TAF1A: variants seen among roughly 807,000 people sequenced by gnomAD.
The protein encoded by TAF1A is TATA box-binding protein-associated factor RNA polymerase I subunit A.
Under a neutral mutation model 61.6 loss-of-function variants are expected in TAF1A, and 42 were observed. That is an observed-to-expected ratio of 0.68 (90% CI 0.53 to 0.88). The LOEUF (loss-of-function observed/expected upper bound fraction) is 0.88, where lower values mean the gene tolerates loss of function less well. Among genes scored for constraint, TAF1A ranks in the 40% least tolerant of loss-of-function variants. TAF1A has a pLI of 0.00. For missense variants in TAF1A, 424 were observed against 518.7 expected (o/e 0.82, Z 1.77); for synonymous variants, 179 against 177.7 (o/e 1.01, Z -0.06).
At chr1:222,583,654 C>A (rs926342693) in intron 3 of TAF1A, among the ~76,000 whole-genome samples, 1 of 151,742 alleles carries the variant, frequency 6.6e-6, no homozygotes, top group Non-Finnish European at 1.5e-5. Flanking sequence ...CCTGGCCAAC[C>A]TGGTGAAACC....
downstream of TAF1A, among the ~76,000 whole-genome samples, chr1:222,557,537 G>A (rs538084601): frequency 5.3e-5 from 8 of 152,176 alleles, no homozygotes; most frequent in East Asian, 3.9e-4. Flanking sequence ...TGCAGCCTCC[G>A]CTTCCCAGTT....
chr1:222,563,687 G>A (rs1398522482), intron 8 of TAF1A, among the ~76,000 whole-genome samples: 3 of 152,192 alleles, frequency 2.0e-5, no homozygotes, highest in African/African-American at 7.2e-5. Context: ...CTATGAAGGA[G>A]CATGCTCTCT....
chr1:222,573,565 C>T (rs976406118), intron 5 of TAF1A, among the ~76,000 whole-genome samples: 2 of 152,172 alleles, frequency 1.3e-5, no homozygotes, highest in Admixed American at 6.5e-5. Context: ...ATTTCACACC[C>T]ACCAGGATGA....
chr1:222,584,966 G>A (rs1468211454), intron 2 of TAF1A, among the ~76,000 whole-genome samples: 1 of 152,060 alleles, frequency 6.6e-6, no homozygotes, highest in East Asian at 1.9e-4. Flanking sequence ...AGACCAACAG[G>A]TACTTTACAA....
chr1:222,571,116 A>C (rs1660331730), intron 5 of TAF1A, among the ~76,000 whole-genome samples: 1 of 152,182 alleles, frequency 6.6e-6, no homozygotes, highest in Non-Finnish European at 1.5e-5. Context: ...CCAAATCAAA[A>C]GAATACAGGA....
intron 10 of TAF1A, among the ~76,000 whole-genome samples, chr1:222,559,497 T>G (rs971515582): frequency 6.6e-6 from 1 of 152,232 alleles, no homozygotes; most frequent in Non-Finnish European, 1.5e-5. Flanking sequence ...AAACTGGATA[T>G]TGAGGTTTTT....
At chr1:222,569,206 T>C (rs1206275500) in intron 7 of TAF1A, 4 of 1,157,524 alleles carry the variant, frequency 3.5e-6, no homozygotes, top group Non-Finnish European at 4.4e-6. Flanking sequence ...AATAAGTGTG[T>C]TTACTCTCTG....
intron 10 of TAF1A, among the ~76,000 whole-genome samples, chr1:222,560,563 AT>A (rs1659872445): frequency 6.6e-6 from 1 of 152,082 alleles, no homozygotes; most frequent in South Asian, 2.1e-4. Context: ...GACAATCCAA[AT>A]CACCTTTCTG....
intron 7 of TAF1A, among the ~76,000 whole-genome samples, chr1:222,567,770 A>G (rs1344639709): frequency 6.6e-6 from 1 of 152,210 alleles, no homozygotes; most frequent in Non-Finnish European, 1.5e-5. Flanking sequence ...GCCAAAAGCA[A>G]TTTTGAAAAA....
At chr1:222,570,146 G>A (rs940227157) in intron 6 of TAF1A, among the ~76,000 whole-genome samples, 3 of 152,116 alleles carry the variant, frequency 2.0e-5, no homozygotes, top group African/African-American at 7.2e-5. Context: ...ATGACTCTGG[G>A]ATGACAGGAC....
chr1:222,570,741 A>G (rs578162692), intron 5 of TAF1A, 76 bp from the exon 6 acceptor site: 2 of 1,409,080 alleles, frequency 1.4e-6, no homozygotes, highest in Non-Finnish European at 1.9e-6. Context: ...TTAAAAAACT[A>G]TCTGCGAGAA....
At chr1:222,582,296 A>G (rs1660817852) in intron 3 of TAF1A, among the ~76,000 whole-genome samples, 1 of 152,238 alleles carries the variant, frequency 6.6e-6, no homozygotes, top group Non-Finnish European at 1.5e-5. Flanking sequence ...GAAAGCTATT[A>G]CAGTGTTTTC....
At position 222,563,238 on chromosome 1, in the gene TAF1A, G is replaced by A. The variant is rs752748189; in HGVS notation, c.1020C>T (p.Ala340=). The part of the protein sequence containing the change: ...LEVLFGVLDF[A]GCTKNITAWK... ...AAGCAGTTATATTCTTAGTGCATCC[G>A]GCAAAATCTAAGACTCCAAATAATA... The change falls in exon 9 of 11, where the codon GCC becomes GCT. Residue 340 remains alanine, a synonymous_variant. Transcript: ENST00000352967. 1.2e-5 allele frequency: 20 copies of A among 1,612,496 alleles called. No individual in the cohort carries two copies. Among genetic ancestry groups the A allele is most frequent in the Admixed American group, 3.3e-5 (2 of 59,722 alleles).
At chr1:222,560,397 C>A (rs576445946) in intron 10 of TAF1A, among the ~76,000 whole-genome samples, 8 of 152,232 alleles carry the variant, frequency 5.3e-5, no homozygotes, top group Non-Finnish European at 7.4e-5. Context: ...TGTTACAATG[C>A]CCACTTCATA....
chr1:222,564,193 T>C, intron 7 of TAF1A, 68 bp from the exon 8 acceptor site: 1 of 1,062,852 alleles, frequency 9.4e-7, no homozygotes, highest in Non-Finnish European at 1.4e-6. Context: ...TCAGCTTACT[T>C]TCAAAATAAA....
rs781719673 is a variant in TAF1A, at chr1:222,561,354, A to G, written c.1240+10T>C. On this transcript the variant is annotated intron_variant, in intron 10 of 10. Transcript: ENST00000352967. ...GCTGTGTCTAGATAAAACGAAAATA[A>G]AAACTGTACCTTTTCCTAACAGTAA... 1.3e-6 allele frequency: 2 copies of G among 1,591,406 alleles called. No homozygotes were observed. The highest frequency in any genetic ancestry group is 2.3e-5 in the South Asian group (2 of 86,370).
At chr1:222,579,727 C>G in intron 4 of TAF1A, 32 bp downstream of exon 4, 2 of 1,584,744 alleles carry the variant, frequency 1.3e-6, no homozygotes, top group East Asian at 4.5e-5. Context: ...AAGAATACTG[C>G]AAGTGTAAAT....
At chr1:222,571,406 A>G (rs1389216786) in intron 5 of TAF1A, among the ~76,000 whole-genome samples, 1 of 152,144 alleles carries the variant, frequency 6.6e-6, no homozygotes, top group Non-Finnish European at 1.5e-5. Context: ...ACATAACAAA[A>G]AGATATCCAA....
chr1:222,588,913 T>A (rs1265677723), intron 1 of TAF1A, among the ~76,000 whole-genome samples: 4 of 152,172 alleles, frequency 2.6e-5, no homozygotes, highest in Non-Finnish European at 5.9e-5. Flanking sequence ...CAGCTAATAT[T>A]TATTAGGCCC....
Sources: allele counts gnomAD v4.1 joint callset (sites outside exome capture counted in the v4.1 genomes callset), GRCh38; gene constraint gnomAD v4.1.1; transcripts MANE v1.5; gene names NCBI Gene and HGNC (gene_info 2026-07-23, HGNC 2026-07-21).